The following ALCAM variants were observed in gnomAD, a reference collection of about 807,000 sequenced individuals.
ALCAM encodes the protein activated leukocyte cell adhesion molecule.
ALCAM carries 30 observed loss-of-function variants against 70.9 expected under a neutral mutation model. That is an observed-to-expected ratio of 0.42 (90% confidence interval 0.32 to 0.57). The LOEUF is 0.57. Ranked by LOEUF, ALCAM falls within the 20% of genes least tolerant of loss-of-function variation. The pLI, the probability that ALCAM is intolerant of heterozygous loss-of-function variation, is 0.11. For missense variants in ALCAM, 591 were observed against 695.1 expected (o/e 0.85, Z 1.68); for synonymous variants, 249 against 242.5 (o/e 1.03, Z -0.25).
intron 1 of ALCAM, among the ~76,000 whole-genome samples, chr3:105,515,779 T>C (rs147985861): frequency 6.6e-6 from 1 of 152,138 alleles, no homozygotes; most frequent in African/African-American, 2.4e-5. Flanking sequence ...TTCTTTAGAG[T>C]TGTACATATC....
chr3:105,528,527 A>G (rs927573723), intron 3 of ALCAM, among the ~76,000 whole-genome samples: 3 of 152,222 alleles, frequency 2.0e-5, no homozygotes, highest in Non-Finnish European at 4.4e-5. Flanking sequence ...TATTACATGT[A>G]GCTTAACTTT....
At chr3:105,491,319 G>A (rs751291480) in intron 1 of ALCAM, among the ~76,000 whole-genome samples, 4 of 152,140 alleles carry the variant, frequency 2.6e-5, no homozygotes, top group East Asian at 3.9e-4. Context: ...ATTGGCTGAC[G>A]CGAAGGTCTC....
chr3:105,496,763 A>T (rs1054596034), intron 1 of ALCAM, among the ~76,000 whole-genome samples: 14 of 151,854 alleles, frequency 9.2e-5, no homozygotes, highest in Non-Finnish European at 1.9e-4. Context: ...TTCCATCCTG[A>T]AGAAATTACT....
At chr3:105,508,070 G>A (rs1211881396) in intron 1 of ALCAM, among the ~76,000 whole-genome samples, 15 of 152,044 alleles carry the variant, frequency 9.9e-5, no homozygotes, top group Admixed American at 9.2e-4. Flanking sequence ...CAGCTGCCAC[G>A]GACAGGACTT....
intron 1 of ALCAM, among the ~76,000 whole-genome samples, chr3:105,508,574 T>G (rs1939144652): frequency 6.6e-6 from 1 of 152,224 alleles, no homozygotes; most frequent in African/African-American, 2.4e-5. Flanking sequence ...TATTACCAAT[T>G]GCTTTAATGT....
chr3:105,451,070 T>G (rs1194966534), intron 1 of ALCAM, among the ~76,000 whole-genome samples: 1 of 135,550 alleles, frequency 7.4e-6, no homozygotes, highest in African/African-American at 2.7e-5. Flanking sequence ...AATAAGAGAG[T>G]GGAAATAAAT....
intron 1 of ALCAM, among the ~76,000 whole-genome samples, chr3:105,473,489 T>G (rs1937998719): frequency 6.6e-6 from 1 of 151,634 alleles, no homozygotes; most frequent in South Asian, 2.1e-4. Flanking sequence ...CTTCCACTTT[T>G]CTTACTTAGC....
At chr3:105,568,058 A>ATTTATT (rs1940782755) in intron 14 of ALCAM, among the ~76,000 whole-genome samples, 1 of 116,246 alleles carries the variant, frequency 8.6e-6, no homozygotes, top group African/African-American at 3.0e-5. Context: ...ATTTTATTTT[A>ATTTATT]TTTTATTTTT....
At chr3:105,375,593 G>A (rs959514337) in intron 1 of ALCAM, among the ~76,000 whole-genome samples, 1 of 152,148 alleles carries the variant, frequency 6.6e-6, no homozygotes, top group Non-Finnish European at 1.5e-5. Flanking sequence ...CAGATGCCAA[G>A]GGAATAATTT....
In ALCAM at chr3:105,422,298, A is replaced by C. The variant is rs143670489; in HGVS notation, c.73+54817A>C. On this transcript the variant is annotated intron_variant, in intron 1 of 15. Transcript: ENST00000306107. ...GTAATTGTGAATTGTGCTGCTATAA[A>C]CATACCTGTGCACATGTCTTTTTCA... Among the ~76,000 whole-genome samples, 1,359 of 151,570 alleles carry C rather than the reference A, an allele frequency of 9.0e-3. 15 individuals carry two copies. The highest frequency in any genetic ancestry group is 0.015 in the African/African-American group (621 of 41,492).
intron 1 of ALCAM, among the ~76,000 whole-genome samples, chr3:105,499,737 A>G (rs1186711255): frequency 6.6e-6 from 1 of 152,188 alleles, no homozygotes; most frequent in African/African-American, 2.4e-5. Context: ...TGGCAAACAG[A>G]ACCAAAAGCA....
chr3:105,482,625 A>G (rs1938304345), intron 1 of ALCAM, among the ~76,000 whole-genome samples: 1 of 152,172 alleles, frequency 6.6e-6, no homozygotes, highest in Non-Finnish European at 1.5e-5. Context: ...CAGAACTGGA[A>G]CACACCACAC....
chr3:105,437,871 T>C (rs575020658), intron 1 of ALCAM, among the ~76,000 whole-genome samples: 1 of 152,152 alleles, frequency 6.6e-6, no homozygotes, highest in Non-Finnish European at 1.5e-5. Flanking sequence ...AAGAGATTCC[T>C]AAACTCTCAT....
intron 1 of ALCAM, among the ~76,000 whole-genome samples, chr3:105,389,473 C>G (rs1935755046): frequency 1.5e-5 from 2 of 136,040 alleles, no homozygotes; most frequent in African/African-American, 5.5e-5. Context: ...AGGAGGGAAG[C>G]CTTCTTATTT....
intron 1 of ALCAM, among the ~76,000 whole-genome samples, chr3:105,494,026 T>A (rs1387112488): frequency 6.6e-6 from 1 of 151,940 alleles, no homozygotes; most frequent in African/African-American, 2.4e-5. Flanking sequence ...AAAGATGATG[T>A]CCTTAAAATT....
intron 1 of ALCAM, among the ~76,000 whole-genome samples, chr3:105,407,684 A>G (rs933413166): frequency 5.3e-5 from 8 of 152,196 alleles, no homozygotes; most frequent in African/African-American, 1.7e-4. Context: ...CACTTTCACC[A>G]CTTCTTTTCA....
At chr3:105,481,232 A>G (rs1043189057) in intron 1 of ALCAM, among the ~76,000 whole-genome samples, 3 of 152,148 alleles carry the variant, frequency 2.0e-5, no homozygotes, top group African/African-American at 7.2e-5. Context: ...TTTGGCTCCT[A>G]TATAAGACAC....
chr3:105,392,472 A>G (rs921053313), intron 1 of ALCAM, among the ~76,000 whole-genome samples: 2 of 146,622 alleles, frequency 1.4e-5, no homozygotes, highest in African/African-American at 5.0e-5. Flanking sequence ...TTTTTTCTTT[A>G]TTAGTCTAGC....
intron 1 of ALCAM, among the ~76,000 whole-genome samples, chr3:105,490,778 C>T (rs2152611017): frequency 6.6e-6 from 1 of 152,294 alleles, no homozygotes; most frequent in Middle Eastern, 3.4e-3. Context: ...CAACCCTTCC[C>T]CTGTGGCTTT....
Sources: gnomAD v4.1 joint callset for allele counts (sites outside exome capture counted in the v4.1 genomes callset) on GRCh38, gnomAD v4.1.1 for gene constraint, MANE v1.5 for transcripts, NCBI Gene and HGNC (gene_info 2026-07-23, HGNC 2026-07-21) for gene names.